Variants in UTP23 observed in about 807,000 individuals in gnomAD.
UTP23 encodes rRNA-processing protein UTP23 homolog.
UTP23 carries 10 observed loss-of-function variants against 19.8 expected under a neutral mutation model. The ratio of observed to expected loss-of-function variants is 0.50; its 90% CI spans 0.31 to 0.86. UTP23 has a LOEUF of 0.86. Among genes scored for constraint, UTP23 ranks in the 40% least tolerant of loss-of-function variants. UTP23 has a pLI of 0.05. For synonymous variants in UTP23, 108 were observed against 105.4 expected, an observed-to-expected ratio of 1.02 and a Z score of -0.15; for missense variants, 282 against 293.1, an observed-to-expected ratio of 0.96 and a Z score of 0.28.
rs746560653 is a variant in UTP23, at chr8:116,772,511, A to AT, written c.*673dup. On this transcript the variant is annotated 3_prime_UTR_variant, in exon 3 of 3. Coordinates refer to ENST00000309822, the MANE Select transcript of UTP23 (RefSeq NM_032334.3). The stretch of plus-strand genomic sequence containing the variant: ...TTGACTTCCTACTAGAAAGAGTGAA[A>AT]TTTTGCCCATTTATACTGCACCATT... 14 of 983,612 alleles carry AT rather than the reference A, an allele frequency of 1.4e-5. No homozygotes were observed. Among genetic ancestry groups the AT allele is most frequent in the Non-Finnish European group, 1.7e-5 (14 of 828,500 alleles). The allele number at this position is 983,612 out of a possible 1,614,324, so 60.9% of individuals were successfully genotyped here.
Position 116,772,810 on chromosome 8 carries a change from T to C in UTP23, c.*968T>C. The C allele has an allele frequency of 1.0e-6, 1 of 985,446 alleles. No individual in the cohort carries two copies. Among genetic ancestry groups the C allele is most frequent in the Non-Finnish European group, 1.2e-6 (1 of 829,922 alleles). 61.0% of individuals were successfully genotyped at this position (985,446 alleles called of 1,614,324 possible). On this transcript the variant is annotated 3_prime_UTR_variant, in exon 3 of 3. Coordinates refer to ENST00000309822, the MANE Select transcript of UTP23 (RefSeq NM_032334.3). ...AATTGAATAATGAAACGTGTCTCTC[T>C]GAATTCCCCCGGCAATTGTTTTAGT... is the stretch of plus-strand genomic sequence containing the variant.
Position 116,773,463 on chromosome 8 carries a change from A to C in UTP23, c.*1621A>C. ...CTGAACTGGAGAGCTGGAAAAATCCACTTTTTTATGAAGCAGTAATTATAG... is the reference window on the plus strand; with the variant it reads ...CTGAACTGGAGAGCTGGAAAAATCCCCTTTTTTATGAAGCAGTAATTATAG... On this transcript the variant is annotated 3_prime_UTR_variant, in exon 3 of 3. Coordinates refer to ENST00000309822, the MANE Select transcript of UTP23 (RefSeq NM_032334.3). 1.0e-6 allele frequency: 1 copy of C among 983,810 alleles called. No homozygotes were observed. Among genetic ancestry groups the C allele is most frequent in the Non-Finnish European group, 1.2e-6 (1 of 828,448 alleles). The allele number at this position is 983,810 out of a possible 1,614,324, so 60.9% of individuals were successfully genotyped here.
In UTP23 at chr8:116,769,350, G is replaced by A. The variant is rs1449789100; in HGVS notation, c.189-842G>A. Among the ~76,000 whole-genome samples, 6 of 152,174 alleles carry A rather than the reference G, an allele frequency of 3.9e-5. No homozygotes were observed. In the South Asian group the frequency reaches 6.2e-4, roughly 16 times the overall value. On this transcript the variant is annotated intron_variant, in intron 1 of 2. Coordinates refer to ENST00000309822, the MANE Select transcript of UTP23 (RefSeq NM_032334.3). ...TACGTTACTGAGATAGATAGGTTGA[G>A]CAGCTGATGGCATAGGAGTATGGGT... is the stretch of plus-strand genomic sequence containing the variant.
intron 1 of UTP23, 24 bp downstream of exon 1, chr8:116,766,815 A>T: frequency 6.7e-7 from 1 of 1,499,182 alleles, no homozygotes; most frequent in Non-Finnish European, 8.9e-7. Flanking sequence ...GCTGGGGAGG[A>T]GGCACAGAGG....
chr8:116,773,236 AG>A lies in UTP23; in HGVS notation c.*1395del. The A allele has an allele frequency of 1.0e-6, 1 of 985,430 alleles. No individual in the cohort carries two copies. The highest frequency in any genetic ancestry group is 1.2e-6 in the Non-Finnish European group (1 of 829,926). 61.0% of individuals were successfully genotyped at this position (985,430 alleles called of 1,614,324 possible). A position where few individuals can be genotyped will look rare whatever the true frequency, so the allele number is the denominator to read the frequency against. Reference sequence around the variant, plus strand: ...AAGGAAGGTAAAAATACTGGAAAAAAGTGAATAGTGTAGGTTTTGTGAGGAA... The same window carrying A: ...AAGGAAGGTAAAAATACTGGAAAAAATGAATAGTGTAGGTTTTGTGAGGAA... On this transcript the variant is annotated 3_prime_UTR_variant, in exon 3 of 3. Coordinates refer to ENST00000309822, the MANE Select transcript of UTP23 (RefSeq NM_032334.3).
chr8:116,773,443 C>A lies in UTP23; in HGVS notation c.*1601C>A. ...TGATTACCTGTTAATAGCATCTGAACTGGAGAGCTGGAAAAATCCACTTTT... is the reference window on the plus strand; with the variant it reads ...TGATTACCTGTTAATAGCATCTGAAATGGAGAGCTGGAAAAATCCACTTTT... On this transcript the variant is annotated 3_prime_UTR_variant, in exon 3 of 3. Coordinates refer to ENST00000309822, the MANE Select transcript of UTP23 (RefSeq NM_032334.3). 3.1e-6 allele frequency: 3 copies of A among 982,062 alleles called. No homozygotes were observed. The highest frequency in any genetic ancestry group is 3.6e-6 in the Non-Finnish European group (3 of 826,934). The allele number at this position is 982,062 out of a possible 1,614,324, so 60.8% of individuals were successfully genotyped here.
At position 116,774,590 on chromosome 8, in the gene UTP23, TATAAGAATATATTCCA is replaced by T. The variant is rs1166435277; in HGVS notation, c.*2765_*2780del. The T allele has an allele frequency of 2.9e-5, 18 of 619,950 alleles. No individual in the cohort carries two copies. The East Asian group carries it at 2.0e-3, about 67-fold the overall frequency. The allele number at this position is 619,950 out of a possible 1,614,324, so 38.4% of individuals were successfully genotyped here. ...ATATATACATAGTCTATATATTCTATATAAGAATATATTCCAATAAGAATATATTCCATACGGGAAT... is the reference window on the plus strand; with the variant it reads ...ATATATACATAGTCTATATATTCTATATAAGAATATATTCCATACGGGAAT... On this transcript the variant is annotated 3_prime_UTR_variant, in exon 3 of 3. Transcript: ENST00000309822.
At position 116,771,926 on chromosome 8, in the gene UTP23, AT is replaced by A; in HGVS notation, c.*89del. On this transcript the variant is annotated 3_prime_UTR_variant, in exon 3 of 3. Coordinates refer to ENST00000309822, the MANE Select transcript of UTP23 (RefSeq NM_032334.3). ...GTATTTATAATAAAAGACCAAACTT[AT>A]TTTTGTAAATGAACCCATATGCTTT... is the stretch of plus-strand genomic sequence containing the variant. The A allele has an allele frequency of 6.8e-7, 1 of 1,475,482 alleles. No homozygotes were observed. The highest frequency in any genetic ancestry group is 1.4e-5 in the African/African-American group (1 of 70,476). The allele number at this position is 1,475,482 out of a possible 1,614,324, so 91.4% of individuals were successfully genotyped here.
rs1815684901 is a variant in UTP23 at position 116,773,429 on chromosome 8, TA to T, written c.*1589del. On this transcript the variant is annotated 3_prime_UTR_variant, in exon 3 of 3. Coordinates refer to ENST00000309822, the MANE Select transcript of UTP23 (RefSeq NM_032334.3). Reference sequence around the variant, plus strand: ...TAGTCAGTGCTATCTGATTACCTGTTAATAGCATCTGAACTGGAGAGCTGGA... The same window carrying T: ...TAGTCAGTGCTATCTGATTACCTGTTATAGCATCTGAACTGGAGAGCTGGA... The T allele has an allele frequency of 3.1e-6, 3 of 978,806 alleles. No homozygotes were observed. The highest frequency in any genetic ancestry group is 3.6e-6 in the Non-Finnish European group (3 of 823,890). 60.6% of individuals were successfully genotyped at this position (978,806 alleles called of 1,614,324 possible).
At chr8:116,770,042 C>A in intron 1 of UTP23, 150 bp from the exon 2 acceptor site, 1 of 696,430 alleles carries the variant, frequency 1.4e-6, no homozygotes, top group South Asian at 2.8e-5. Context: ...TTGGTAAATG[C>A]ATTTTTCAAG....
At position 116,770,369 on chromosome 8, in the gene UTP23, G is replaced by C. The variant is rs2131024177; in HGVS notation, c.363+3G>C. The C allele has an allele frequency of 6.3e-7, 1 of 1,598,370 alleles. No homozygotes were observed. The highest frequency in any genetic ancestry group is 2.2e-5 in the East Asian group (1 of 44,566). On this transcript the variant is annotated splice_donor_region_variant and intron_variant, in intron 2 of 2. Transcript: ENST00000309822. The stretch of plus-strand genomic sequence containing the variant: ...ATCATTATTTTGTGGCAACACAGGT[G>C]ATACTACTTTTAAAACCACAGGCAA...
chr8:116,770,666 C>G, intron 2 of UTP23: 1 of 203,596 alleles, frequency 4.9e-6, no homozygotes, highest in East Asian at 1.1e-4. Flanking sequence ...AGGCTGGTCT[C>G]GAACCCCTAG....
intron 2 of UTP23, 47 bp downstream of exon 2, chr8:116,770,413 A>G: frequency 6.5e-7 from 1 of 1,545,722 alleles, no homozygotes; most frequent in Non-Finnish European, 8.8e-7. Context: ...ATTTCTATTT[A>G]TACTTCATAT....
At position 116,772,514 on chromosome 8, in the gene UTP23, T is replaced by G; in HGVS notation, c.*672T>G. The G allele has an allele frequency of 1.0e-6, 1 of 984,132 alleles. No individual in the cohort carries two copies. Among genetic ancestry groups the G allele is most frequent in the Non-Finnish European group, 1.2e-6 (1 of 828,756 alleles). 61.0% of individuals were successfully genotyped at this position (984,132 alleles called of 1,614,324 possible). A position where few individuals can be genotyped will look rare whatever the true frequency, so the allele number is the denominator to read the frequency against. The stretch of plus-strand genomic sequence containing the variant: ...ACTTCCTACTAGAAAGAGTGAAATT[T>G]TGCCCATTTATACTGCACCATTTTT... On this transcript the variant is annotated 3_prime_UTR_variant, in exon 3 of 3. Transcript: ENST00000309822.
chr8:116,766,529 T>A lies in UTP23; in HGVS notation c.-75T>A, dbSNP rs1230206277. 6.8e-7 allele frequency: 1 copy of A among 1,470,996 alleles called. No individual in the cohort carries two copies. Among genetic ancestry groups the A allele is most frequent in the Non-Finnish European group, 9.1e-7 (1 of 1,100,600 alleles). 91.1% of individuals were successfully genotyped at this position (1,470,996 alleles called of 1,614,324 possible). On this transcript the variant is annotated 5_prime_UTR_variant, in exon 1 of 3. Transcript: ENST00000309822. ...CTTCATTTCCGGGTGAAACTGGCAT[T>A]GAGGGTACTGGGGCGTGCGTGAGGC...
chr8:116,770,128 G>T, intron 1 of UTP23, 64 bp from the exon 2 acceptor site: 1 of 1,392,850 alleles, frequency 7.2e-7, no homozygotes, highest in South Asian at 1.7e-5. Flanking sequence ...AGAAAAAATC[G>T]ACTATTGTTT....
chr8:116,766,825 G>T, intron 1 of UTP23, 34 bp downstream of exon 1: 1 of 1,481,542 alleles, frequency 6.7e-7, no homozygotes, highest in Non-Finnish European at 9.0e-7. Context: ...AGGCACAGAG[G>T]GTCCGTCGGG....
chr8:116,773,283 A>G lies in UTP23; in HGVS notation c.*1441A>G. The G allele has an allele frequency of 1.0e-6, 1 of 985,432 alleles. No individual in the cohort carries two copies. The highest frequency in any genetic ancestry group is 1.2e-6 in the Non-Finnish European group (1 of 829,920). The allele number at this position is 985,432 out of a possible 1,614,324, so 61.0% of individuals were successfully genotyped here. A position where few individuals can be genotyped will look rare whatever the true frequency, so the allele number is the denominator to read the frequency against. On this transcript the variant is annotated 3_prime_UTR_variant, in exon 3 of 3. Transcript: ENST00000309822. ...AGGAAAGTTAACATTTGTCAATGAC[A>G]AGCATTAAGGCCACCTAATAAAGTG... is the stretch of plus-strand genomic sequence containing the variant.
At chr8:116,769,363 T>G (rs1397982558) in intron 1 of UTP23, among the ~76,000 whole-genome samples, 2 of 152,090 alleles carry the variant, frequency 1.3e-5, no homozygotes, top group Non-Finnish European at 2.9e-5. Flanking sequence ...GCTGATGGCA[T>G]AGGAGTATGG....
Sources: allele counts gnomAD v4.1 joint callset (sites outside exome capture counted in the v4.1 genomes callset), GRCh38; gene constraint gnomAD v4.1.1; transcripts MANE v1.5; gene names NCBI Gene and HGNC (gene_info 2026-07-23, HGNC 2026-07-21).